The following CLDN10 variants were observed in gnomAD, a reference collection of about 807,000 sequenced individuals.
CLDN10 encodes the protein claudin-10.
CLDN10 carries 15 observed loss-of-function variants against 22.9 expected under a neutral mutation model. That is an observed-to-expected ratio of 0.65 (90% CI 0.44 to 1.01). CLDN10 has a LOEUF of 1.01. CLDN10 is among the 50% of genes least tolerant of loss of function. The probability of loss-of-function intolerance (pLI) is 0.00; values close to 1 mark genes in which losing one functional copy is unlikely to be tolerated. For missense variants in CLDN10, 247 were observed against 287.8 expected (o/e 0.86, Z 1.03); for synonymous variants, 114 against 111.4 (o/e 1.02, Z -0.15).
chr13:95,530,006 G>A (rs559709859), intron 1 of CLDN10, among the ~76,000 whole-genome samples: 1 of 152,210 alleles, frequency 6.6e-6, no homozygotes, highest in South Asian at 2.1e-4. Flanking sequence ...AATCAAAAAA[G>A]ATATTAAAGG....
chr13:95,463,522 G>A (rs1212007737), intron 1 of CLDN10, among the ~76,000 whole-genome samples: 1 of 150,018 alleles, frequency 6.7e-6, no homozygotes, highest in Non-Finnish European at 1.5e-5. Context: ...TTGTAGAGAT[G>A]GGTTTTCGCC....
intron 1 of CLDN10, among the ~76,000 whole-genome samples, chr13:95,435,053 T>C (rs899986987): frequency 6.6e-6 from 1 of 152,198 alleles, no homozygotes; most frequent in African/African-American, 2.4e-5. Context: ...TTCATCGTTG[T>C]GCATATTAGA....
At chr13:95,493,410 C>T (rs1320141926) in intron 1 of CLDN10, among the ~76,000 whole-genome samples, 1 of 152,102 alleles carries the variant, frequency 6.6e-6, no homozygotes, top group African/African-American at 2.4e-5. Context: ...CACCCATCTC[C>T]AGAAAAGAGT....
intron 1 of CLDN10, among the ~76,000 whole-genome samples, chr13:95,543,264 G>A (rs1385857775): frequency 1.3e-5 from 2 of 152,062 alleles, no homozygotes; most frequent in East Asian, 3.9e-4. Flanking sequence ...ACCCTTTTGA[G>A]AAGTCTTCTG....
chr13:95,477,149 T>A (rs978460981), intron 1 of CLDN10, among the ~76,000 whole-genome samples: 2 of 152,092 alleles, frequency 1.3e-5, no homozygotes, highest in Non-Finnish European at 2.9e-5. Context: ...CTAAGAGAAG[T>A]GGGCACGCCA....
chr13:95,474,419 C>T (rs994246227), intron 1 of CLDN10, among the ~76,000 whole-genome samples: 1 of 152,198 alleles, frequency 6.6e-6, no homozygotes, highest in African/African-American at 2.4e-5. Flanking sequence ...TCCTGCTGTA[C>T]GGCCTAGTTC....
chr13:95,548,573 C>G (rs1280437692), upstream of CLDN10, among the ~76,000 whole-genome samples: 1 of 152,144 alleles, frequency 6.6e-6, no homozygotes, highest in Non-Finnish European at 1.5e-5. Flanking sequence ...CACTCTGTAG[C>G]TTTCATGCTA....
At chr13:95,504,411 C>T (rs2043016667) in intron 1 of CLDN10, among the ~76,000 whole-genome samples, 2 of 152,254 alleles carry the variant, frequency 1.3e-5, no homozygotes, top group African/African-American at 2.4e-5. Flanking sequence ...GACAGAGTCT[C>T]ACTCTGTCAC....
intron 1 of CLDN10, among the ~76,000 whole-genome samples, chr13:95,535,069 C>T (rs2043386135): frequency 6.6e-6 from 1 of 152,078 alleles, no homozygotes; most frequent in Non-Finnish European, 1.5e-5. Context: ...GCAAAAAAGG[C>T]ATCCTGGGTG....
chr13:95,436,718 T>A (rs1275253095), intron 1 of CLDN10, among the ~76,000 whole-genome samples: 1 of 152,188 alleles, frequency 6.6e-6, no homozygotes, highest in Non-Finnish European at 1.5e-5. Context: ...GAAACACTGA[T>A]TCATATTTCC....
At chr13:95,577,426 T>C in intron 4 of CLDN10, 88 bp downstream of exon 4, 1 of 887,384 alleles carries the variant, frequency 1.1e-6, no homozygotes, top group East Asian at 2.5e-5. Context: ...ATAGTTCATA[T>C]GATTCTTAGA....
chr13:95,500,292 G>A (rs940181461), intron 1 of CLDN10, among the ~76,000 whole-genome samples: 6 of 152,214 alleles, frequency 3.9e-5, no homozygotes, highest in Admixed American at 3.9e-4. Flanking sequence ...GTGAGGCGGG[G>A]TCTAAATAAG....
chr13:95,501,625 C>G (rs1470316023), intron 1 of CLDN10, among the ~76,000 whole-genome samples: 1 of 152,166 alleles, frequency 6.6e-6, no homozygotes, highest in Non-Finnish European at 1.5e-5. Context: ...GCATGGGTAT[C>G]TTTTTCCATA....
chr13:95,568,114 T>C (rs1017763801), intron 3 of CLDN10, among the ~76,000 whole-genome samples: 1 of 152,226 alleles, frequency 6.6e-6, no homozygotes, highest in African/African-American at 2.4e-5. Context: ...CTTCTATACT[T>C]ATTATAATTT....
intron 1 of CLDN10, among the ~76,000 whole-genome samples, chr13:95,507,780 C>A (rs189400652): frequency 6.6e-6 from 1 of 152,148 alleles, no homozygotes; most frequent in East Asian, 1.9e-4. Context: ...TGCACCACCA[C>A]GCCTGGCTAA....
At chr13:95,494,066 A>C (rs1001670642) in intron 1 of CLDN10, among the ~76,000 whole-genome samples, 19 of 152,228 alleles carry the variant, frequency 1.2e-4, no homozygotes, top group Non-Finnish European at 2.5e-4. Context: ...AAAAATAAAC[A>C]ATTAAAAAAT....
intron 1 of CLDN10, among the ~76,000 whole-genome samples, chr13:95,531,483 A>T (rs2043341754): frequency 6.6e-6 from 1 of 152,086 alleles, no homozygotes; most frequent in Non-Finnish European, 1.5e-5. Context: ...AGATTACAGG[A>T]TGTAAAATTT....
intron 1 of CLDN10, among the ~76,000 whole-genome samples, chr13:95,506,031 C>A (rs936516075): frequency 1.3e-5 from 2 of 152,146 alleles, no homozygotes; most frequent in Non-Finnish European, 2.9e-5. Context: ...TGAGCCATTG[C>A]GCCTGGCTCC....
chr13:95,479,736 A>G (rs181548591), intron 1 of CLDN10: 1 of 152,220 alleles, frequency 6.6e-6, no homozygotes, highest in East Asian at 1.9e-4. Flanking sequence ...GGAGACCTTA[A>G]GGAACTTGAT....
Sources: gnomAD v4.1 joint callset for allele counts (sites outside exome capture counted in the v4.1 genomes callset) on GRCh38, gnomAD v4.1.1 for gene constraint, MANE v1.5 for transcripts, NCBI Gene and HGNC (gene_info 2026-07-23, HGNC 2026-07-21) for gene names.